The following MED12L variants were observed in gnomAD, a reference collection of about 807,000 sequenced individuals.
MED12L encodes the protein mediator complex subunit 12L, also known as mediator of RNA polymerase II transcription subunit 12-like protein.
In MED12L, 60 loss-of-function variants were observed where a neutral mutation model predicts 281.3. The observed-to-expected ratio is 0.21, with a 90% CI of 0.17 to 0.26. The LOEUF is 0.26. MED12L is among the 10% of genes least tolerant of loss of function. The probability of loss-of-function intolerance (pLI) is 1.00; values close to 1 mark genes in which losing one functional copy is unlikely to be tolerated. For synonymous variants in MED12L, 974 were observed against 987.2 expected (o/e 0.99, Z 0.25); for missense variants, 2,146 against 2,680.9 (o/e 0.80, Z 4.41).
chr3:151,252,348 A>G (rs996918329), intron 16 of MED12L, among the ~76,000 whole-genome samples: 5 of 152,096 alleles, frequency 3.3e-5, no homozygotes, highest in African/African-American at 7.2e-5. Flanking sequence ...TTCATATCCT[A>G]TTGCTCATGG....
intron 16 of MED12L, among the ~76,000 whole-genome samples, chr3:151,247,409 T>A (rs1362341541): frequency 6.6e-6 from 1 of 152,040 alleles, no homozygotes; most frequent in Non-Finnish European, 1.5e-5. Flanking sequence ...GTGGCACATG[T>A]ACACCATGGA....
chr3:151,322,572 C>G (rs1411678594), intron 16 of MED12L, among the ~76,000 whole-genome samples: 1 of 152,068 alleles, frequency 6.6e-6, no homozygotes, highest in East Asian at 1.9e-4. Flanking sequence ...ACTTCCCATT[C>G]ACAAACTGGA....
chr3:151,141,483 G>T (rs1214423841), intron 5 of MED12L, among the ~76,000 whole-genome samples: 2 of 152,072 alleles, frequency 1.3e-5, no homozygotes, highest in African/African-American at 2.4e-5. Context: ...GTCTGTAAGG[G>T]GATACCATCT....
chr3:151,116,124 G>C (rs1033760705), intron 2 of MED12L, among the ~76,000 whole-genome samples: 12 of 149,168 alleles, frequency 8.0e-5, no homozygotes, highest in African/African-American at 2.7e-4. Context: ...TCTGCACCTA[G>C]AGTCAACAGT....
intron 19 of MED12L, among the ~76,000 whole-genome samples, chr3:151,356,430 CAATG>C (rs1018843662): frequency 2.6e-4 from 40 of 152,080 alleles, no homozygotes; most frequent in African/African-American, 8.9e-4. Flanking sequence ...AAATAAAAAT[CAATG>C]AACCAATTGC....
intron 16 of MED12L, chr3:151,329,422 C>T (rs1215041110): frequency 1.9e-5 from 21 of 1,082,916 alleles, no homozygotes; most frequent in Non-Finnish European, 2.4e-5. Flanking sequence ...CCTTTTTTCC[C>T]TTAAGCATAT....
At chr3:151,377,884 A>G in intron 30 of MED12L, 128 bp from the exon 31 acceptor site, 1 of 902,870 alleles carries the variant, frequency 1.1e-6, no homozygotes, top group Non-Finnish European at 1.6e-6. Flanking sequence ...TAATACAGAA[A>G]TAAAAGGGAA....
intron 16 of MED12L, among the ~76,000 whole-genome samples, chr3:151,301,977 G>C (rs7626154): frequency 0.067 from 10,244 of 152,264 alleles, 1,168 homozygotes; most frequent in African/African-American, 0.23. Flanking sequence ...CATTATTCAT[G>C]ATAGTTAAAA....
chr3:151,169,270 C>T (rs765625099), intron 11 of MED12L, among the ~76,000 whole-genome samples: 3 of 151,502 alleles, frequency 2.0e-5, no homozygotes, highest in Non-Finnish European at 4.4e-5. Flanking sequence ...GGTGCCCTGC[C>T]GTCACGCCCG....
chr3:151,344,457 T>A (rs1470637028), intron 16 of MED12L, among the ~76,000 whole-genome samples: 1 of 152,180 alleles, frequency 6.6e-6, no homozygotes, highest in East Asian at 1.9e-4. Context: ...TATTGAAAGA[T>A]ACAGCTGAAA....
intron 16 of MED12L, among the ~76,000 whole-genome samples, chr3:151,224,099 AT>A (rs1312620754): frequency 6.6e-6 from 1 of 151,684 alleles, no homozygotes; most frequent in Non-Finnish European, 1.5e-5. Context: ...GTTTTTGTAT[AT>A]TTAAATTATT....
At chr3:151,121,861 G>A (rs573719939) in intron 3 of MED12L, among the ~76,000 whole-genome samples, 7 of 149,868 alleles carry the variant, frequency 4.7e-5, no homozygotes, top group Non-Finnish European at 7.4e-5. Context: ...GATTATAAGC[G>A]CATGCCAGGC....
chr3:151,258,280 A>G lies in MED12L; in HGVS notation c.2250+64614A>G, dbSNP rs544327114. Among the ~76,000 whole-genome samples, 63 of 152,346 alleles carry G rather than the reference A, an allele frequency of 4.1e-4. 1 individual carries two copies. Among genetic ancestry groups the G allele is most frequent in the African/African-American group, 1.3e-3 (53 of 41,588 alleles). The stretch of plus-strand genomic sequence containing the variant: ...ACCCTCACAATTGTTGCTTTCTAAT[A>G]TAATTTCACTAGTTCTTCCCACTTT... On this transcript the variant is annotated intron_variant, in intron 16 of 44. Coordinates refer to ENST00000687756, the MANE Select transcript of MED12L (RefSeq NM_001393769.1).
intron 39 of MED12L, among the ~76,000 whole-genome samples, chr3:151,395,642 A>G (rs2108262739): frequency 6.6e-6 from 1 of 152,350 alleles, no homozygotes; most frequent in East Asian, 1.9e-4. Flanking sequence ...AATAATAGCT[A>G]ACACTAATAG....
chr3:151,112,282 CTTT>C (rs11330453), intron 2 of MED12L, among the ~76,000 whole-genome samples: 22 of 133,338 alleles, frequency 1.6e-4, no homozygotes, highest in Non-Finnish European at 1.4e-4. Context: ...ATTTCTTTTT[CTTT>C]TTTTTTTTTT....
intron 26 of MED12L, among the ~76,000 whole-genome samples, chr3:151,370,974 G>A (rs896151385): frequency 3.3e-5 from 5 of 152,164 alleles, no homozygotes; most frequent in East Asian, 1.9e-4. Flanking sequence ...TCAGTTTAAC[G>A]TCAGCAGAGC....
Position 151,376,804 on chromosome 3 carries a change from T to C in MED12L, c.4058T>C (p.Leu1353Pro). The part of the protein sequence containing the change: ...RQHIKRILQN[L>P]EQWTLRQSWL... ...AATTCTTTCCATTTTTCCCAGAATC[T>C]TGAGCAGTGGACACTGAGGCAATCC... Residue 1353 changes from leucine (L) to proline (P), a missense_variant, in exon 29 of 45, where the codon CTT becomes CCT. By Grantham distance (98) the Leu-to-Pro change is moderately conservative. Coordinates refer to ENST00000687756, the MANE Select transcript of MED12L (RefSeq NM_001393769.1). The C allele has an allele frequency of 6.2e-7, 1 of 1,613,732 alleles. No homozygotes were observed. Among genetic ancestry groups the C allele is most frequent in the Non-Finnish European group, 8.5e-7 (1 of 1,179,650 alleles).
chr3:151,420,698 AG>A (rs1718148366), intron 43 of MED12L, among the ~76,000 whole-genome samples: 1 of 152,246 alleles, frequency 6.6e-6, no homozygotes, highest in Non-Finnish European at 1.5e-5. Flanking sequence ...CAGCTGCTTC[AG>A]GATGATGGGG....
At position 151,411,391 on chromosome 3, in the gene MED12L, G is replaced by A. The variant is rs143048351; in HGVS notation, c.6024G>A (p.Pro2008=). ...LSPSYNSRAY[P]AAHSNPVLME... is the part of the protein sequence containing the mutation. ...CCAGCTATAACTCCAGAGCCTATCC[G>A]GCCGCACATTCCAACCCCGTGCTAA... The change falls in exon 41 of 45, where the codon CCG becomes CCA. Residue 2008 remains proline (P), a synonymous_variant. Coordinates refer to ENST00000687756, the MANE Select transcript of MED12L (RefSeq NM_001393769.1). 2.7e-5 allele frequency: 44 copies of A among 1,614,096 alleles called. No individual in the cohort carries two copies. The highest frequency in any genetic ancestry group is 2.0e-4 in the African/African-American group (15 of 75,000).
Sources: allele counts gnomAD v4.1 joint callset (sites outside exome capture counted in the v4.1 genomes callset), GRCh38; gene constraint gnomAD v4.1.1; transcripts MANE v1.5; gene names NCBI Gene and HGNC (gene_info 2026-07-23, HGNC 2026-07-21).